Variants in PALLD observed in about 807,000 individuals in gnomAD.
PALLD encodes the protein palladin.
In PALLD, 61 loss-of-function variants were observed where a neutral mutation model predicts 123.5. That is an observed-to-expected ratio of 0.49 (90% CI 0.40 to 0.61). The LOEUF (loss-of-function observed/expected upper bound fraction) is 0.61. Ranked by LOEUF, PALLD falls within the 20% of genes least tolerant of loss-of-function variation. The pLI, the probability that PALLD is intolerant of heterozygous loss-of-function variation, is 0.00. For synonymous variants in PALLD, 465 were observed against 496.4 expected (o/e 0.94, Z 0.84); for missense variants, 1,273 against 1,377.0 (o/e 0.92, Z 1.20).
chr4:168,690,700 G>C lies in PALLD; in HGVS notation c.1433G>C (p.Gly478Ala). ...PPLQVQWFRQGSEIQDSPDFR... is the reference protein window; with the variant it reads ...PPLQVQWFRQASEIQDSPDFR... ...CTGCAGGTCCAGTGGTTTCGGCAAG[G>C]GAGTGAAATCCAAGACTCTCCAGAT... The change falls in exon 7 of 22, where the codon GGG becomes GCG. Residue 478 changes from glycine to alanine, a missense_variant. Transcript: ENST00000505667. The C allele has an allele frequency of 3.7e-6, 6 of 1,614,136 alleles. No individual in the cohort carries two copies. Among genetic ancestry groups the C allele is most frequent in the Non-Finnish European group, 5.1e-6 (6 of 1,180,028 alleles).
intron 10 of PALLD, among the ~76,000 whole-genome samples, chr4:168,797,182 C>T (rs1316831607): frequency 1.3e-5 from 2 of 151,620 alleles, no homozygotes; most frequent in Non-Finnish European, 2.9e-5. Context: ...GAGGGAGACA[C>T]AGTTGGATGA....
At chr4:168,820,442 T>C (rs1392150786) in intron 10 of PALLD, among the ~76,000 whole-genome samples, 1 of 152,148 alleles carries the variant, frequency 6.6e-6, no homozygotes, top group Non-Finnish European at 1.5e-5. Flanking sequence ...TGATAAATGA[T>C]AAAATAATAG....
At chr4:168,830,730 G>A (rs957137194) in intron 10 of PALLD, among the ~76,000 whole-genome samples, 1 of 152,124 alleles carries the variant, frequency 6.6e-6, no homozygotes, top group South Asian at 2.1e-4. Context: ...TACAGACATC[G>A]TTATTCATTT....
At chr4:168,519,929 C>T (rs9884715) in intron 2 of PALLD, among the ~76,000 whole-genome samples, 110,722 of 151,542 alleles carry the variant, frequency 0.73, 40,562 homozygotes, top group East Asian at 0.86. Context: ...TGTATTTGCA[C>T]TGAATTGAAC....
chr4:168,656,710 T>TG (rs978068472), intron 2 of PALLD, among the ~76,000 whole-genome samples: 1 of 152,156 alleles, frequency 6.6e-6, no homozygotes, highest in Non-Finnish European at 1.5e-5. Context: ...ATCCAGATTG[T>TG]GGGGGGAAAT....
In PALLD at chr4:168,512,375, G is replaced by A; in HGVS notation, c.871G>A (p.Glu291Lys). The change falls in exon 2 of 22, where the codon GAG becomes AAG. Residue 291 changes from glutamate (E) to lysine (K), a missense_variant. Glu to Lys is a moderately conservative substitution (Grantham distance 56, BLOSUM62 1). Coordinates refer to ENST00000505667, the MANE Select transcript of PALLD (RefSeq NM_001166108.2). Reference protein sequence around the residue: ...EVAEGSRVYLECRVTGNPTPR... With the variant: ...EVAEGSRVYLKCRVTGNPTPR... The stretch of plus-strand genomic sequence containing the variant: ...AGCAGAAGGGAGCCGAGTTTATCTG[G>A]AGTGTAGAGTCACTGGAAACCCCAC... 6.2e-7 allele frequency: 1 copy of A among 1,613,838 alleles called. No homozygotes were observed. Among genetic ancestry groups the A allele is most frequent in the Non-Finnish European group, 8.5e-7 (1 of 1,180,028 alleles).
intron 12 of PALLD, among the ~76,000 whole-genome samples, chr4:168,895,795 CAAAAT>C (rs1190864828): frequency 4.6e-5 from 7 of 152,204 alleles, no homozygotes; most frequent in African/African-American, 1.7e-4. Flanking sequence ...AATATCTAGT[CAAAAT>C]AAAATAGAAA....
intron 2 of PALLD, among the ~76,000 whole-genome samples, chr4:168,650,193 A>G (rs1209037564): frequency 1.3e-5 from 2 of 152,216 alleles, no homozygotes; most frequent in Non-Finnish European, 2.9e-5. Context: ...GAAAAGAAAA[A>G]AAAGAAAAAG....
intron 2 of PALLD, among the ~76,000 whole-genome samples, chr4:168,573,939 CTT>C (rs1224618191): frequency 1.4e-5 from 2 of 142,326 alleles, no homozygotes; most frequent in Admixed American, 7.0e-5. Flanking sequence ...TGGGAAGCAG[CTT>C]TTTTTTTTTT....
intron 10 of PALLD, among the ~76,000 whole-genome samples, chr4:168,757,694 A>C (rs987966386): frequency 2.0e-5 from 3 of 152,262 alleles, no homozygotes; most frequent in Non-Finnish European, 4.4e-5. Context: ...GCTGGGCGGC[A>C]TGATGACTAA....
intron 3 of PALLD, among the ~76,000 whole-genome samples, chr4:168,679,394 T>C (rs1243361799): frequency 4.7e-4 from 47 of 100,902 alleles, no homozygotes; most frequent in Non-Finnish European, 1.3e-4. Context: ...GTGTGTGTGG[T>C]GTGCTGTGGG....
At chr4:168,768,141 G>A (rs115335268) in intron 10 of PALLD, among the ~76,000 whole-genome samples, 170 of 152,178 alleles carry the variant, frequency 1.1e-3, no homozygotes, top group Non-Finnish European at 1.2e-3. Context: ...TGGAATCCCC[G>A]GTTCTTTTAT....
chr4:168,559,884 CAAAA>C (rs1175970436), intron 2 of PALLD, among the ~76,000 whole-genome samples: 1 of 147,608 alleles, frequency 6.8e-6, no homozygotes, highest in African/African-American at 2.5e-5. Context: ...AACCGGGTCT[CAAAA>C]AGAAAGAAAG....
At chr4:168,833,120 T>C (rs192768310) in intron 10 of PALLD, among the ~76,000 whole-genome samples, 95 of 152,182 alleles carry the variant, frequency 6.2e-4, no homozygotes, top group African/African-American at 1.9e-3. Context: ...ATTTTAACTT[T>C]TGGGGGCAGC....
rs183207995 is a variant in PALLD, at chr4:168,783,598, C to T, written c.1964+71675C>T. On this transcript the variant is annotated intron_variant, in intron 10 of 21. Coordinates refer to ENST00000505667, the MANE Select transcript of PALLD (RefSeq NM_001166108.2). ...GATGATCATGCTGGCTGTGCCTCTT[C>T]ACCTTCATCCATAAGATACGGAGAG... Among the ~76,000 whole-genome samples, 979 of 152,306 alleles carry T rather than the reference C, an allele frequency of 6.4e-3. 12 individuals carry two copies. The highest frequency in any genetic ancestry group is 0.022 in the African/African-American group (933 of 41,570).
At chr4:168,527,374 A>G (rs1282652941) in intron 2 of PALLD, among the ~76,000 whole-genome samples, 1 of 139,922 alleles carries the variant, frequency 7.1e-6, no homozygotes, top group African/African-American at 2.7e-5. Flanking sequence ...GTGAGCTGAG[A>G]TCGCGCCATT....
At chr4:168,739,331 A>G (rs577147353) in intron 10 of PALLD, among the ~76,000 whole-genome samples, 20 of 152,124 alleles carry the variant, frequency 1.3e-4, no homozygotes, top group Non-Finnish European at 2.2e-4. Context: ...TAGTTTTTTG[A>G]GAAATCTCCA....
intron 1 of PALLD, among the ~76,000 whole-genome samples, chr4:168,504,349 A>G (rs1012351238): frequency 6.6e-6 from 1 of 152,196 alleles, no homozygotes; most frequent in African/African-American, 2.4e-5. Context: ...TAATCCCAGC[A>G]TTTTGGGAGG....
chr4:168,607,945 C>A (rs1158135982), intron 2 of PALLD, among the ~76,000 whole-genome samples: 1 of 152,190 alleles, frequency 6.6e-6, no homozygotes, highest in Non-Finnish European at 1.5e-5. Flanking sequence ...CCTGTCTTTG[C>A]TGCCAATCTT....
Sources: gnomAD v4.1 joint callset for allele counts (sites outside exome capture counted in the v4.1 genomes callset) on GRCh38, gnomAD v4.1.1 for gene constraint, MANE v1.5 for transcripts, NCBI Gene and HGNC (gene_info 2026-07-23, HGNC 2026-07-21) for gene names.